The following TRAF5 variants were observed in gnomAD, a reference collection of about 807,000 sequenced individuals.
TRAF5 encodes TNF receptor-associated factor 5.
TRAF5 carries 48 observed loss-of-function variants against 64.5 expected under a neutral mutation model. That is an observed-to-expected ratio of 0.74 (90% CI 0.59 to 0.95). The LOEUF (loss-of-function observed/expected upper bound fraction) is 0.95. Among genes scored for constraint, TRAF5 ranks in the 40% least tolerant of loss-of-function variants. TRAF5 has a pLI of 0.00. For synonymous variants in TRAF5, 206 were observed against 240.5 expected (o/e 0.86, Z 1.33); for missense variants, 545 against 662.8 (o/e 0.82, Z 1.95).
chr1:211,331,123 C>T (rs1009966930), intron 1 of TRAF5, among the ~76,000 whole-genome samples: 1 of 152,208 alleles, frequency 6.6e-6, no homozygotes, highest in Non-Finnish European at 1.5e-5. Flanking sequence ...CTCAGCCAGT[C>T]CTGATCTGTC....
Position 211,372,206 on chromosome 1 carries a change from G to A in TRAF5, c.1178G>A (p.Arg393Gln), listed in dbSNP as rs373368870. The change falls in exon 11 of 11, where the codon CGA (arginine) becomes CAA (glutamine). Residue 393 changes from arginine (R) to glutamine (Q), a missense_variant. By Grantham distance (43) the Arg-to-Gln change is conservative. Coordinates refer to ENST00000261464, the MANE Select transcript of TRAF5 (RefSeq NM_001033910.3). The part of the protein sequence containing the change: ...HKAQLSKNEE[R>Q]FKLLEGTCYN... Reference sequence around the variant, plus strand: ...GCACAGCTGAGTAAAAATGAAGAGCGATTTAAACTGCTGGAGGGTACTTGC... The same window carrying A: ...GCACAGCTGAGTAAAAATGAAGAGCAATTTAAACTGCTGGAGGGTACTTGC... The A allele has an allele frequency of 1.5e-5, 25 of 1,613,520 alleles. No homozygotes were observed. Among genetic ancestry groups the A allele is most frequent in the African/African-American group, 1.5e-4 (11 of 74,832 alleles).
At chr1:211,357,763 C>A (rs1703014002) in intron 4 of TRAF5, 1 of 152,178 alleles carries the variant, frequency 6.6e-6, no homozygotes, top group Non-Finnish European at 1.5e-5. Flanking sequence ...AGAATAGCTG[C>A]ATTTGTTTAT....
chr1:211,373,746 T>C lies in TRAF5; in HGVS notation c.*1044T>C, dbSNP rs1703610636. The C allele has an allele frequency of 1.3e-5, 2 of 152,212 alleles. No homozygotes were observed. The highest frequency in any genetic ancestry group is 2.9e-5 in the Non-Finnish European group (2 of 68,048). The allele number at this position is 152,212 out of a possible 1,614,324, so 9.4% of individuals were successfully genotyped here. On this transcript the variant is annotated 3_prime_UTR_variant, in exon 11 of 11. Coordinates refer to ENST00000261464, the MANE Select transcript of TRAF5 (RefSeq NM_001033910.3). ...AGTATCTACTATTCTCTGATAACTT[T>C]TTTTTTGAGACAGAGTTTCATTGTC...
At chr1:211,336,613 T>G (rs1330110905) in intron 1 of TRAF5, among the ~76,000 whole-genome samples, 1 of 152,232 alleles carries the variant, frequency 6.6e-6, no homozygotes, top group Non-Finnish European at 1.5e-5. Flanking sequence ...AGTCATTCTG[T>G]AAGTATTTAC....
intron 1 of TRAF5, among the ~76,000 whole-genome samples, chr1:211,340,198 A>G (rs1038529121): frequency 2.0e-5 from 3 of 152,136 alleles, no homozygotes; most frequent in African/African-American, 4.8e-5. Context: ...AGCTAAATCT[A>G]AACAGTTGTC....
chr1:211,328,278 A>G (rs1375805806), intron 1 of TRAF5, among the ~76,000 whole-genome samples: 1 of 152,230 alleles, frequency 6.6e-6, no homozygotes, highest in Non-Finnish European at 1.5e-5. Context: ...GTAAGATGGA[A>G]GTGGAAAACG....
rs774257409 is a variant in TRAF5, at chr1:211,354,383, T to A, written c.219-27T>A. On this transcript the variant is annotated intron_variant, in intron 2 of 10. Transcript: ENST00000261464. The stretch of plus-strand genomic sequence containing the variant: ...TGCTGTTGAGGTAAACAACTAACTC[T>A]GGCTCCATTTTAATTTTTTTCTCCA... 1.9e-6 allele frequency: 3 copies of A among 1,612,266 alleles called. No individual in the cohort carries two copies. In the South Asian group the frequency reaches 3.3e-5, roughly 18 times the overall value.
intron 1 of TRAF5, among the ~76,000 whole-genome samples, chr1:211,344,481 A>G (rs1313620548): frequency 6.6e-6 from 1 of 152,168 alleles, no homozygotes; most frequent in Non-Finnish European, 1.5e-5. Context: ...CTGTGGTCAC[A>G]TGTTGTCTGG....
intron 9 of TRAF5, among the ~76,000 whole-genome samples, chr1:211,370,409 ACAC>A (rs752886887): frequency 1.4e-5 from 2 of 142,532 alleles, no homozygotes; most frequent in Non-Finnish European, 3.1e-5. Flanking sequence ...ACACACACAC[ACAC>A]CCTTCATATA....
At chr1:211,355,464 T>G (rs10494936) in intron 3 of TRAF5, among the ~76,000 whole-genome samples, 2 of 151,950 alleles carry the variant, frequency 1.3e-5, no homozygotes, top group African/African-American at 4.8e-5. Context: ...GTTTTCTTCC[T>G]TTAAGATTCT....
At chr1:211,359,727 C>G (rs904720571) in intron 4 of TRAF5, 185 bp from the exon 5 acceptor site, 10 of 575,738 alleles carry the variant, frequency 1.7e-5, no homozygotes, top group Non-Finnish European at 2.7e-5. Flanking sequence ...CAGCCCTCCC[C>G]ATGCCCTCTC....
chr1:211,348,800 A>G (rs920838106), intron 1 of TRAF5, among the ~76,000 whole-genome samples: 4 of 151,954 alleles, frequency 2.6e-5, no homozygotes, highest in African/African-American at 9.7e-5. Context: ...ATGTGGATCT[A>G]TTTCTGGGCT....
chr1:211,359,994 AAG>A lies in TRAF5; in HGVS notation c.464_465del (p.Glu155AlafsTer29). 1 of 1,614,142 alleles carries A rather than the reference AAG, an allele frequency of 6.2e-7. No homozygotes were observed. Among genetic ancestry groups the A allele is most frequent in the Non-Finnish European group, 8.5e-7 (1 of 1,179,966 alleles). ...GAGCCAGTCCTACGGAAAGACCTGAAAGAGCATTTGAGTGCATCCTGTCAGTT... is the reference window on the plus strand; with the variant it reads ...GAGCCAGTCCTACGGAAAGACCTGAAAGCATTTGAGTGCATCCTGTCAGTT... On this transcript the variant is annotated frameshift_variant, in exon 5 of 11. Coordinates refer to ENST00000261464, the MANE Select transcript of TRAF5 (RefSeq NM_001033910.3). LOFTEE classifies it high-confidence loss of function.
chr1:211,330,245 TGAGTGCCCTCCCAG>T (rs1249624522), intron 1 of TRAF5, among the ~76,000 whole-genome samples: 1 of 152,102 alleles, frequency 6.6e-6, no homozygotes, highest in Non-Finnish European at 1.5e-5. Flanking sequence ...CAGAGCCCAG[TGAGTGCCCTCCCAG>T]GATATCTCAC....
At chr1:211,337,885 C>T (rs1702345608) in intron 1 of TRAF5, among the ~76,000 whole-genome samples, 1 of 152,082 alleles carries the variant, frequency 6.6e-6, no homozygotes, top group South Asian at 2.1e-4. Context: ...TTTGTGATGC[C>T]TATTAAATGT....
At chr1:211,340,251 T>C (rs528266966) in intron 1 of TRAF5, among the ~76,000 whole-genome samples, 8 of 152,300 alleles carry the variant, frequency 5.3e-5, no homozygotes, top group Non-Finnish European at 1.2e-4. Context: ...TGGAGCCTCA[T>C]TCACTTTACG....
intron 1 of TRAF5, among the ~76,000 whole-genome samples, chr1:211,333,486 G>A (rs1702213779): frequency 6.6e-6 from 1 of 151,518 alleles, no homozygotes; most frequent in South Asian, 2.1e-4. Context: ...ACAGGCGTGA[G>A]CCACGGTGCC....
At chr1:211,365,527 C>A in intron 8 of TRAF5, 59 bp downstream of exon 8, 1 of 1,346,920 alleles carries the variant, frequency 7.4e-7, no homozygotes, top group Non-Finnish European at 1.0e-6. Flanking sequence ...GATTTACCTG[C>A]TCTATGCTGG....
intron 1 of TRAF5, chr1:211,346,569 CATAAT>C: frequency 2.8e-6 from 1 of 352,338 alleles, no homozygotes; most frequent in East Asian, 1.7e-4. Context: ...TGCACTATAA[CATAAT>C]ATATTTAAAA....
Sources: gnomAD v4.1 joint callset for allele counts (sites outside exome capture counted in the v4.1 genomes callset) on GRCh38, gnomAD v4.1.1 for gene constraint, MANE v1.5 for transcripts, NCBI Gene and HGNC (gene_info 2026-07-23, HGNC 2026-07-21) for gene names.